The following RNF180 variants were observed in gnomAD, a reference collection of about 807,000 sequenced individuals.
RNF180 encodes the protein E3 ubiquitin-protein ligase RNF180.
In RNF180, 38 loss-of-function variants were observed where a neutral mutation model predicts 59.2. That is an observed-to-expected ratio of 0.64 (90% CI 0.50 to 0.84). The LOEUF is 0.84. RNF180 is among the 40% of genes least tolerant of loss of function. The pLI is 0.00. For synonymous variants in RNF180, 262 were observed against 240.3 expected (o/e 1.09, Z -0.84); for missense variants, 705 against 700.9 (o/e 1.01, Z -0.07).
intron 1 of RNF180, among the ~76,000 whole-genome samples, chr5:64,187,446 A>G (rs2111981822): frequency 6.6e-6 from 1 of 152,304 alleles, no homozygotes; most frequent in African/African-American, 2.4e-5. Context: ...GCATATGCAG[A>G]ACCATTTAAA....
intron 1 of RNF180, among the ~76,000 whole-genome samples, chr5:64,200,388 G>A (rs1041587545): frequency 6.6e-5 from 10 of 152,158 alleles, no homozygotes; most frequent in African/African-American, 2.2e-4. Flanking sequence ...CCAGGAGTTC[G>A]AGGCTATAGT....
chr5:64,214,661 A>ACT, intron 4 of RNF180, 144 bp downstream of exon 4: 1 of 671,856 alleles, frequency 1.5e-6, no homozygotes, highest in Non-Finnish European at 2.5e-6. Context: ...TGCACTCAGT[A>ACT]ATCATGCAGC....
In RNF180 at chr5:64,337,676, T is replaced by TC. The variant is rs1013865170; in HGVS notation, c.1579+7274dup. Among the ~76,000 whole-genome samples the TC allele has an allele frequency of 6.7e-3, 633 of 94,482 alleles. 6 individuals carry two copies. The highest frequency in any genetic ancestry group is 0.025 in the African/African-American group (602 of 23,940). The allele number at this position is 94,482 out of a possible 152,430, so 62.0% of individuals were successfully genotyped here. On this transcript the variant is annotated intron_variant, in intron 7 of 7. Transcript: ENST00000389100. ...CCACCCTCCCCCCACCCCACAACAG[T>TC]CCCCAGAGTGTGATGTTCCCCTTTC...
At chr5:64,197,978 A>G (rs1751541825) in intron 1 of RNF180, among the ~76,000 whole-genome samples, 1 of 152,152 alleles carries the variant, frequency 6.6e-6, no homozygotes, top group Non-Finnish European at 1.5e-5. Flanking sequence ...ACCAAGATCT[A>G]AATGATGAGA....
At chr5:64,238,692 A>C (rs141039182) in intron 5 of RNF180, among the ~76,000 whole-genome samples, 169 of 152,180 alleles carry the variant, frequency 1.1e-3, no homozygotes, top group African/African-American at 3.8e-3. Flanking sequence ...GTTATTTTTT[A>C]CTACTGAGTT....
chr5:64,191,298 T>C (rs1751144556), intron 1 of RNF180, among the ~76,000 whole-genome samples: 1 of 152,224 alleles, frequency 6.6e-6, no homozygotes, highest in Non-Finnish European at 1.5e-5. Flanking sequence ...GATCAATGAA[T>C]ATTAACTAAA....
chr5:64,259,845 C>T lies in RNF180; in HGVS notation c.1227+42449C>T, dbSNP rs528745084. ...CTGAGGCAGGAGAATCACTTGAACCCGGGAGGCGGAGGTTGTGGTGAGCCA... is the reference window on the plus strand; with the variant it reads ...CTGAGGCAGGAGAATCACTTGAACCTGGGAGGCGGAGGTTGTGGTGAGCCA... On this transcript the variant is annotated intron_variant, in intron 5 of 7. Coordinates refer to ENST00000389100, the MANE Select transcript of RNF180 (RefSeq NM_001113561.2). 5.9e-5 allele frequency among the ~76,000 whole-genome samples: 9 copies of T among 152,040 alleles called. No homozygotes were observed. In the East Asian group the frequency reaches 1.6e-3, roughly 26 times the overall value.
chr5:64,290,363 G>A (rs888293620), intron 5 of RNF180, among the ~76,000 whole-genome samples: 3 of 152,224 alleles, frequency 2.0e-5, no homozygotes, highest in African/African-American at 7.2e-5. Context: ...TTGGTTTGGG[G>A]TGGAGAGTTT....
chr5:64,336,876 T>C (rs1580274197), intron 7 of RNF180, among the ~76,000 whole-genome samples: 1 of 152,138 alleles, frequency 6.6e-6, no homozygotes, highest in Admixed American at 6.5e-5. Context: ...ATGGTATCTT[T>C]CATTGTAAGG....
intron 5 of RNF180, among the ~76,000 whole-genome samples, chr5:64,265,525 T>C (rs947239995): frequency 2.6e-5 from 4 of 152,196 alleles, no homozygotes; most frequent in Non-Finnish European, 4.4e-5. Flanking sequence ...TTGTCAAAGA[T>C]CAGATGGCTG....
chr5:64,322,584 T>TATAA (rs1317181891), intron 5 of RNF180, among the ~76,000 whole-genome samples: 1 of 148,482 alleles, frequency 6.7e-6, no homozygotes, highest in African/African-American at 2.5e-5. Flanking sequence ...TATATATATA[T>TATAA]AACGGAATAT....
intron 1 of RNF180, among the ~76,000 whole-genome samples, chr5:64,195,780 T>C (rs561022532): frequency 2.0e-5 from 3 of 152,316 alleles, no homozygotes; most frequent in Non-Finnish European, 2.9e-5. Context: ...AGTTTAGGGT[T>C]GTAGGTGGCA....
intron 5 of RNF180, among the ~76,000 whole-genome samples, chr5:64,317,561 CACATACATATATAT>C (rs1561256978): frequency 6.8e-6 from 1 of 147,714 alleles, no homozygotes; most frequent in African/African-American, 2.5e-5. Context: ...TACATATATA[CACATACATATATAT>C]ACACATATAT....
At chr5:64,176,355 C>A (rs1048357499) in intron 1 of RNF180, among the ~76,000 whole-genome samples, 8 of 151,866 alleles carry the variant, frequency 5.3e-5, no homozygotes, top group African/African-American at 1.9e-4. Context: ...CTCCTATCTT[C>A]TTTTTCTTAA....
At chr5:64,216,970 T>C (rs1752665720) in intron 4 of RNF180, among the ~76,000 whole-genome samples, 1 of 152,198 alleles carries the variant, frequency 6.6e-6, no homozygotes, top group South Asian at 2.1e-4. Flanking sequence ...AAAACTCTCT[T>C]GTGCTATATA....
At chr5:64,185,925 A>G (rs954365593) in intron 1 of RNF180, among the ~76,000 whole-genome samples, 21 of 152,234 alleles carry the variant, frequency 1.4e-4, no homozygotes, top group African/African-American at 4.3e-4. Flanking sequence ...AGCAAACAAT[A>G]AAAGTGCTAG....
intron 5 of RNF180, among the ~76,000 whole-genome samples, chr5:64,303,276 C>T (rs1034795592): frequency 2.6e-5 from 4 of 151,456 alleles, no homozygotes; most frequent in African/African-American, 9.7e-5. Flanking sequence ...GTAATTTAGA[C>T]TAATTAATAA....
chr5:64,280,105 G>C (rs1461652795), intron 5 of RNF180, among the ~76,000 whole-genome samples: 1 of 152,142 alleles, frequency 6.6e-6, no homozygotes, highest in Non-Finnish European at 1.5e-5. Context: ...TCATATGCTA[G>C]TTGGCCATGT....
chr5:64,214,670 G>A (rs1330213068), intron 4 of RNF180, among the ~76,000 whole-genome samples, 153 bp downstream of exon 4: 4 of 152,062 alleles, frequency 2.6e-5, no homozygotes, highest in Non-Finnish European at 1.5e-5. Context: ...TAATCATGCA[G>A]CCATATTATA....
Sources: allele counts gnomAD v4.1 joint callset (sites outside exome capture counted in the v4.1 genomes callset), GRCh38; gene constraint gnomAD v4.1.1; transcripts MANE v1.5; gene names NCBI Gene and HGNC (gene_info 2026-07-23, HGNC 2026-07-21).